Variants in CHRNB4 observed in about 807,000 individuals in gnomAD.
The protein encoded by CHRNB4 is neuronal acetylcholine receptor subunit beta-4.
Under a neutral mutation model 40.4 loss-of-function variants are expected in CHRNB4, and 23 were observed. That is an observed-to-expected ratio of 0.57 (90% CI 0.41 to 0.81). CHRNB4 has a LOEUF of 0.81. CHRNB4 is among the 30% of genes least tolerant of loss of function. The pLI is 0.00. For synonymous variants in CHRNB4, 285 were observed against 274.4 expected (o/e 1.04, Z -0.38); for missense variants, 568 against 670.6 (o/e 0.85, Z 1.69).
rs1294967608 is a variant in CHRNB4, at chr15:78,629,085, G to A, written c.1220C>T (p.Ala407Val). ...CCGCAGCCAGAAATCCCTGGGGATA[G>A]CCACCGGGGTAGAGCCGGCTGGAGA... Reference protein sequence around the residue: ...SKSPAGSTPVAIPRDFWLRSS... With the variant: ...SKSPAGSTPVVIPRDFWLRSS... The change falls in exon 5 of 6, where the codon GCT (alanine) becomes GTT (valine). Residue 407 changes from alanine (A) to valine (V), a missense_variant. Transcript: ENST00000261751. This position sits in a 1 kb window ranked among gnomAD's most constrained non-coding sequence, Gnocchi z 6.8. The A allele has an allele frequency of 1.2e-6, 2 of 1,614,228 alleles. No individual in the cohort carries two copies. The highest frequency in any genetic ancestry group is 3.3e-5 in the Admixed American group (2 of 60,026).
intron 7 of CHRNB4, among the ~76,000 whole-genome samples, chr15:78,647,572 T>A (rs111448672): frequency 6.6e-6 from 1 of 150,548 alleles, no homozygotes; most frequent in Non-Finnish European, 1.5e-5. Context: ...TTCAGCCGGG[T>A]GCAGTGGCTC....
rs572692579 is a variant in CHRNB4, at chr15:78,641,161, G to C, written c.-28C>G. ...CCGGCGGGGCCGGGTGGCAGCCGCC[G>C]CGAGCTCCGCTGTGGGGTCACAGGG... On this transcript the variant is annotated 5_prime_UTR_variant, in exon 1 of 6. Coordinates refer to ENST00000261751, the MANE Select transcript of CHRNB4 (RefSeq NM_000750.5). 2 of 1,537,102 alleles carry C rather than the reference G, an allele frequency of 1.3e-6. No individual in the cohort carries two copies. Among genetic ancestry groups the C allele is most frequent in the African/African-American group, 2.8e-5 (2 of 71,790 alleles).
intron 6 of CHRNB4, among the ~76,000 whole-genome samples, chr15:78,652,238 C>T (rs894307843): frequency 1.3e-5 from 2 of 152,232 alleles, no homozygotes; most frequent in Admixed American, 1.3e-4. Flanking sequence ...TCTGCTCTTC[C>T]CCTTTCCACC....
chr15:78,652,403 G>A (rs2054180326), intron 6 of CHRNB4, among the ~76,000 whole-genome samples: 1 of 152,246 alleles, frequency 6.6e-6, no homozygotes, highest in Non-Finnish European at 1.5e-5. Flanking sequence ...CTCTGCCAGT[G>A]GGGCCTGAGG....
chr15:78,657,868 A>C (rs2054226978), intron 2 of CHRNB4, among the ~76,000 whole-genome samples: 1 of 151,864 alleles, frequency 6.6e-6, no homozygotes, highest in Non-Finnish European at 1.5e-5. Flanking sequence ...TCATAATTTA[A>C]ATAAAGTTCC....
chr15:78,630,532 T>C (rs2053782555), intron 4 of CHRNB4, among the ~76,000 whole-genome samples: 1 of 152,164 alleles, frequency 6.6e-6, no homozygotes, highest in African/African-American at 2.4e-5. Context: ...ATTCTACAGA[T>C]GGGAAAGCCA....
chr15:78,642,144 C>T (rs2054084759), upstream of CHRNB4, among the ~76,000 whole-genome samples: 1 of 151,826 alleles, frequency 6.6e-6, no homozygotes, highest in South Asian at 2.1e-4. Context: ...CTCAGTCTTG[C>T]TTTCATATTG....
chr15:78,658,030 T>TG (rs2054228350), intron 2 of CHRNB4, among the ~76,000 whole-genome samples: 1 of 83,750 alleles, frequency 1.2e-5, no homozygotes, highest in South Asian at 6.4e-4. Context: ...TTGTTTCTCT[T>TG]TTTTTTTTTT....
chr15:78,627,269 A>G (rs1043718537), intron 5 of CHRNB4: 1 of 152,196 alleles, frequency 6.6e-6, no homozygotes, highest in African/African-American at 2.4e-5. Flanking sequence ...TCAAACTGCA[A>G]TGGGTCTGGG....
chr15:78,653,672 C>T (rs1003645287), intron 5 of CHRNB4, among the ~76,000 whole-genome samples: 7 of 152,208 alleles, frequency 4.6e-5, no homozygotes, highest in Admixed American at 1.3e-4. Flanking sequence ...AGAGGCCACA[C>T]TTTTCCTGGC....
chr15:78,653,560 G>A (rs2054189748), intron 5 of CHRNB4, among the ~76,000 whole-genome samples: 1 of 152,200 alleles, frequency 6.6e-6, no homozygotes, highest in African/African-American at 2.4e-5. Context: ...TTTTGTGACT[G>A]TGACCACTGC....
chr15:78,632,534 T>C (rs2053855238), intron 2 of CHRNB4, among the ~76,000 whole-genome samples: 1 of 152,034 alleles, frequency 6.6e-6, no homozygotes, highest in East Asian at 1.9e-4. Flanking sequence ...TGGTCTCAAA[T>C]TCCTGAGCTA....
chr15:78,644,797 G>C (rs1251802899), upstream of CHRNB4, among the ~76,000 whole-genome samples: 2 of 152,050 alleles, frequency 1.3e-5, no homozygotes, highest in Admixed American at 6.5e-5. Flanking sequence ...AACTTGACAG[G>C]CTGATTCTAA....
chr15:78,661,264 C>G, upstream of CHRNB4: 1 of 603,972 alleles, frequency 1.7e-6, no homozygotes, highest in South Asian at 1.4e-5. Flanking sequence ...GCCCCCTGCC[C>G]CGCCCTGAGG....
intron 1 of CHRNB4, among the ~76,000 whole-genome samples, chr15:78,658,609 G>T (rs1170378666): frequency 6.6e-6 from 1 of 152,124 alleles, no homozygotes; most frequent in Admixed American, 6.5e-5. Flanking sequence ...AAAGAAAAAA[G>T]AAAGTTGTAA....
chr15:78,636,706 C>A (rs1000603007), intron 1 of CHRNB4, among the ~76,000 whole-genome samples: 3 of 151,962 alleles, frequency 2.0e-5, no homozygotes, highest in Admixed American at 6.6e-5. Flanking sequence ...ACCTCAGCCT[C>A]CTTAGTAGCT....
intron 2 of CHRNB4, among the ~76,000 whole-genome samples, chr15:78,633,110 T>C (rs554022114): frequency 6.6e-6 from 1 of 152,330 alleles, no homozygotes; most frequent in Admixed American, 6.5e-5. Flanking sequence ...TGGCCTTCTT[T>C]AGTACTTTGG....
At chr15:78,638,019 T>C (rs1017349382) in intron 1 of CHRNB4, among the ~76,000 whole-genome samples, 1 of 152,208 alleles carries the variant, frequency 6.6e-6, no homozygotes, top group Non-Finnish European at 1.5e-5. Context: ...GACTGACTTA[T>C]TTCATAGAGA....
intron 5 of CHRNB4, chr15:78,626,972 A>C (rs1006817203): frequency 1.3e-5 from 2 of 152,210 alleles, no homozygotes. Flanking sequence ...GATGCAGGAG[A>C]CCAGTACTTC....
Sources: gnomAD v4.1 joint callset for allele counts (sites outside exome capture counted in the v4.1 genomes callset) on GRCh38, gnomAD v4.1.1 for gene constraint, Gnocchi (gnomAD v3.1) non-coding constraint, MANE v1.5 for transcripts, NCBI Gene and HGNC (gene_info 2026-07-23, HGNC 2026-07-21) for gene names.